SLC30A10: variants seen among roughly 807,000 people sequenced by gnomAD.
SLC30A10 encodes solute carrier family 30 member 10, also known as calcium/manganese antiporter SLC30A10.
A neutral mutation model predicts 21.7 loss-of-function variants in SLC30A10; 8 were observed. The observed-to-expected ratio is 0.37, with a 90% CI of 0.22 to 0.67. The LOEUF (loss-of-function observed/expected upper bound fraction) is 0.67, where lower values mean the gene tolerates loss of function less well. Ranked by LOEUF, SLC30A10 falls within the 30% of genes least tolerant of loss-of-function variation. The pLI, the probability that SLC30A10 is intolerant of heterozygous loss-of-function variation, is 0.58. For missense variants in SLC30A10, 521 were observed against 642.5 expected (o/e 0.81, Z 2.04); for synonymous variants, 272 against 279.4 (o/e 0.97, Z 0.26).
intron 1 of SLC30A10, among the ~76,000 whole-genome samples, chr1:219,935,177 C>G (rs1660030090): frequency 6.6e-6 from 1 of 152,110 alleles, no homozygotes; most frequent in East Asian, 1.9e-4. Context: ...TAGAGAAAAA[C>G]CCCTTGATGT....
intron 1 of SLC30A10, among the ~76,000 whole-genome samples, chr1:219,940,527 C>T (rs926689631): frequency 2.0e-5 from 3 of 152,106 alleles, no homozygotes; most frequent in Non-Finnish European, 2.9e-5. Flanking sequence ...TATAGAGTAA[C>T]TGGAAGGGAG....
intron 2 of SLC30A10, among the ~76,000 whole-genome samples, chr1:219,925,926 G>T (rs1235355426): frequency 6.6e-6 from 1 of 151,702 alleles, no homozygotes; most frequent in Non-Finnish European, 1.5e-5. Flanking sequence ...CTCCCAAAGT[G>T]CTGGGATTAC....
intron 1 of SLC30A10, among the ~76,000 whole-genome samples, chr1:219,955,989 T>G (rs1660344321): frequency 6.6e-6 from 1 of 152,210 alleles, no homozygotes; most frequent in South Asian, 2.1e-4. Flanking sequence ...TAATGTCAAT[T>G]TATGACGTTC....
At chr1:219,950,059 C>G (rs1660247200) in intron 1 of SLC30A10, among the ~76,000 whole-genome samples, 1 of 152,170 alleles carries the variant, frequency 6.6e-6, no homozygotes, top group Non-Finnish European at 1.5e-5. Flanking sequence ...ATTCAAGAGG[C>G]AAACTATCTG....
chr1:219,928,442 T>A lies in SLC30A10; in HGVS notation c.-2A>T. 6.2e-7 allele frequency: 1 copy of A among 1,604,658 alleles called. No individual in the cohort carries two copies. The highest frequency in any genetic ancestry group is 8.5e-7 in the Non-Finnish European group (1 of 1,176,440). The stretch of plus-strand genomic sequence containing the variant: ...CGTCTTGCCAGAGTAGCGGCCCATC[T>A]CGCCACCAGCCCCGGGCGCCCGGCG... On this transcript the variant is annotated 5_prime_UTR_variant, in exon 1 of 4. Transcript: ENST00000366926. This position sits in a 1 kb window ranked among gnomAD's most constrained non-coding sequence, Gnocchi z 6.3.
Position 219,915,912 on chromosome 1 carries a change from A to G in SLC30A10, c.995T>C (p.Val332Ala). 6.2e-7 allele frequency: 1 copy of G among 1,614,170 alleles called. No homozygotes were observed. The highest frequency in any genetic ancestry group is 8.5e-7 in the Non-Finnish European group (1 of 1,180,036). ...KLSAVPGISS[V>A]HEVHIWELVS... Reference sequence around the variant, plus strand: ...AAGTTCCCAGATGTGCACTTCATGTACACTGCTAATTCCAGGCACAGCAGA... The same window carrying G: ...AAGTTCCCAGATGTGCACTTCATGTGCACTGCTAATTCCAGGCACAGCAGA... The change falls in exon 4 of 4, where the codon GTA becomes GCA. Residue 332 changes from valine to alanine, a missense_variant. Val to Ala is a moderately conservative substitution (Grantham distance 64). Transcript: ENST00000366926.
chr1:219,935,532 A>G (rs1418419331), intron 1 of SLC30A10, among the ~76,000 whole-genome samples: 3 of 152,274 alleles, frequency 2.0e-5, no homozygotes, highest in African/African-American at 7.2e-5. Context: ...TGCTTCTGTC[A>G]GCTCTTCGCA....
chr1:219,912,757 C>A lies in SLC30A10; in HGVS notation c.*2692G>T, dbSNP rs1659443522. On this transcript the variant is annotated 3_prime_UTR_variant, in exon 4 of 4. Transcript: ENST00000366926. ...GCTGAGGCAGGAGAATGGCGTGAACCCAGGAGGCAGAGCTTGCAGTGAGCC... is the reference window on the plus strand; with the variant it reads ...GCTGAGGCAGGAGAATGGCGTGAACACAGGAGGCAGAGCTTGCAGTGAGCC... Among the ~76,000 whole-genome samples the A allele has an allele frequency of 6.6e-6, 1 of 152,006 alleles. No homozygotes were observed. The highest frequency in any genetic ancestry group is 2.4e-5 in the African/African-American group (1 of 41,374).
intron 2 of SLC30A10, among the ~76,000 whole-genome samples, chr1:219,925,388 G>T (rs1180769959): frequency 6.6e-6 from 1 of 151,352 alleles, no homozygotes; most frequent in Non-Finnish European, 1.5e-5. Context: ...ACAAAAATCA[G>T]CCAGGCGTGG....
In SLC30A10 at chr1:219,911,468, C is replaced by T. The variant is rs1467043389; in HGVS notation, c.*3981G>A. On this transcript the variant is annotated 3_prime_UTR_variant, in exon 4 of 4. Coordinates refer to ENST00000366926, the MANE Select transcript of SLC30A10 (RefSeq NM_018713.3). The stretch of plus-strand genomic sequence containing the variant: ...AATTGTGCTGATAACTATCCAGTCT[C>T]ATTGGATAGTGGGCTCATCAAATTG... 1.3e-5 allele frequency among the ~76,000 whole-genome samples: 2 copies of T among 152,006 alleles called. No homozygotes were observed. The highest frequency in any genetic ancestry group is 2.9e-5 in the Non-Finnish European group (2 of 68,020).
chr1:219,929,308 A>G (rs1659928688), upstream of SLC30A10, among the ~76,000 whole-genome samples: 1 of 152,132 alleles, frequency 6.6e-6, no homozygotes, highest in African/African-American at 2.4e-5. Context: ...CCACTTCTGT[A>G]AGCATGCACT....
At chr1:219,920,760 T>G (rs1200474790) in intron 2 of SLC30A10, among the ~76,000 whole-genome samples, 1 of 152,242 alleles carries the variant, frequency 6.6e-6, no homozygotes, top group African/African-American at 2.4e-5. Flanking sequence ...CTGTTGGAAC[T>G]CAAAAGTATT....
At chr1:219,927,675 CAACAAAA>C (rs1659870399) in intron 1 of SLC30A10, 119 bp downstream of exon 1, 27 of 404,638 alleles carry the variant, frequency 6.7e-5, no homozygotes, top group South Asian at 1.4e-4. Context: ...AAAACAACAA[CAACAAAA>C]AAAAAAAAAC....
chr1:219,934,864 G>C (rs1571807430), intron 1 of SLC30A10, among the ~76,000 whole-genome samples: 1 of 152,154 alleles, frequency 6.6e-6, no homozygotes, highest in South Asian at 2.1e-4. Context: ...ACCATCTCCA[G>C]GTCACAAGGA....
chr1:219,928,476 G>C lies in SLC30A10; in HGVS notation c.-36C>G. On this transcript the variant is annotated 5_prime_UTR_variant, in exon 1 of 4. Transcript: ENST00000366926. This position sits in a 1 kb window ranked among gnomAD's most constrained non-coding sequence, Gnocchi z 6.3. Reference sequence around the variant, plus strand: ...GCCCCGGGCGCCCGGCGCCGCCCAGGGGAGCGCAGCCCACCCCGCGCGCAG... The same window carrying C: ...GCCCCGGGCGCCCGGCGCCGCCCAGCGGAGCGCAGCCCACCCCGCGCGCAG... 1 of 1,517,068 alleles carries C rather than the reference G, an allele frequency of 6.6e-7. No homozygotes were observed. The allele number at this position is 1,517,068 out of a possible 1,614,324, so 94.0% of individuals were successfully genotyped here. A position where few individuals can be genotyped will look rare whatever the true frequency, so the allele number is the denominator to read the frequency against.
At position 219,918,318 on chromosome 1, in the gene SLC30A10, T is replaced by C. The variant is rs751787793; in HGVS notation, c.895A>G (p.Ile299Val). The change falls in exon 3 of 4, where the codon ATC becomes GTC. Residue 299 changes from isoleucine to valine, a missense_variant. Transcript: ENST00000366926. This position sits in a 1 kb window ranked among gnomAD's most constrained non-coding sequence, Gnocchi z 4.4. ...AGCAGAATGGCAGCGGTCTCCTTGA[T>C]AAGCGGGAAGGCAGATGACAAAATG... Reference protein sequence around the residue: ...IIILSSAFPLIKETAAILLQM... With the variant: ...IIILSSAFPLVKETAAILLQM... The C allele has an allele frequency of 4.3e-6, 7 of 1,614,000 alleles. 1 individual carries two copies. The South Asian group carries it at 5.5e-5, about 13-fold the overall frequency.
Position 219,915,630 on chromosome 1 carries a change from T to C in SLC30A10, c.1277A>G (p.Asn426Ser). The change falls in exon 4 of 4, where the codon AAT (asparagine) becomes AGT (serine). Residue 426 changes from asparagine (N) to serine (S), a missense_variant. Physicochemically the swap from Asn to Ser is conservative, Grantham distance 46. Transcript: ENST00000366926. ...PPGALPLAHV[N>S]GCAEHNGGPS... ...CCCACCATTGTGCTCAGCACAGCCATTGACGTGAGCCAGAGGCAGTGCCCC... is the reference window on the plus strand; with the variant it reads ...CCCACCATTGTGCTCAGCACAGCCACTGACGTGAGCCAGAGGCAGTGCCCC... 8.7e-6 allele frequency: 14 copies of C among 1,614,230 alleles called. No homozygotes were observed. Among genetic ancestry groups the C allele is most frequent in the Non-Finnish European group, 1.1e-5 (13 of 1,180,040 alleles).
At chr1:219,917,113 G>A (rs1011811871) in intron 3 of SLC30A10, among the ~76,000 whole-genome samples, 4 of 151,120 alleles carry the variant, frequency 2.6e-5, no homozygotes, top group Non-Finnish European at 2.9e-5. Context: ...TGGGACCACA[G>A]GCACACACTA....
chr1:219,929,523 CTCT>C (rs1243259987), upstream of SLC30A10, among the ~76,000 whole-genome samples: 3 of 133,186 alleles, frequency 2.3e-5, no homozygotes, highest in African/African-American at 8.3e-5. Context: ...CAAATAAAGA[CTCT>C]TTTTTTTTTT....
Sources: gnomAD v4.1 joint callset for allele counts (sites outside exome capture counted in the v4.1 genomes callset) on GRCh38, gnomAD v4.1.1 for gene constraint, Gnocchi (gnomAD v3.1) non-coding constraint, MANE v1.5 for transcripts, NCBI Gene and HGNC (gene_info 2026-07-23, HGNC 2026-07-21) for gene names.